DNAH14: variants seen among roughly 807,000 people sequenced by gnomAD.
DNAH14 encodes the protein dynein axonemal heavy chain 14, also known as axonemal beta dynein heavy chain 14.
In DNAH14, 478 loss-of-function variants were observed where a neutral mutation model predicts 520.9. That is an observed-to-expected ratio of 0.92 (90% confidence interval 0.85 to 0.99). The LOEUF is 0.99. Ranked by LOEUF, DNAH14 falls within the 50% of genes least tolerant of loss-of-function variation. DNAH14 has a pLI of 0.00. For missense variants in DNAH14, 4,831 were observed against 5,234.5 expected (o/e 0.92, Z 2.38); for synonymous variants, 1,581 against 1,757.2 (o/e 0.90, Z 2.51).
chr1:225,156,739 G>A (rs1460170506), intron 34 of DNAH14, among the ~76,000 whole-genome samples: 1 of 79,686 alleles, frequency 1.3e-5, no homozygotes, highest in African/African-American at 5.6e-5. Context: ...TTTTGAGACG[G>A]AGTCTCGCTC....
At chr1:225,227,191 G>A (rs1261328869) in intron 41 of DNAH14, among the ~76,000 whole-genome samples, 2 of 152,116 alleles carry the variant, frequency 1.3e-5, no homozygotes, top group African/African-American at 4.8e-5. Flanking sequence ...GCTGGGGGAT[G>A]ATCAGGTCTT....
chr1:224,934,470 A>G (rs927752886), intron 1 of DNAH14, among the ~76,000 whole-genome samples: 1 of 151,920 alleles, frequency 6.6e-6, no homozygotes, highest in East Asian at 1.9e-4. Flanking sequence ...AGTGTTTTGA[A>G]ATAATTCAGT....
chr1:225,327,377 G>A (rs1390493311), intron 64 of DNAH14, among the ~76,000 whole-genome samples: 1 of 151,938 alleles, frequency 6.6e-6, no homozygotes, highest in East Asian at 1.9e-4. Context: ...TAGCCAGGAT[G>A]GTCTCGATTT....
At chr1:225,316,018 G>A (rs571913795) in intron 60 of DNAH14, among the ~76,000 whole-genome samples, 9 of 152,324 alleles carry the variant, frequency 5.9e-5, no homozygotes, top group African/African-American at 1.9e-4. Context: ...CCCCTGACGG[G>A]GCTGCTGCCT....
At chr1:225,272,822 G>GA in intron 51 of DNAH14, 133 bp from the exon 52 acceptor site, 7 of 906,532 alleles carry the variant, frequency 7.7e-6, no homozygotes, top group Non-Finnish European at 1.1e-5. Context: ...ATCACTTGTA[G>GA]AAATTCACAA....
chr1:225,202,246 A>C (rs187479585), intron 38 of DNAH14, among the ~76,000 whole-genome samples: 210 of 152,292 alleles, frequency 1.4e-3, no homozygotes, highest in African/African-American at 4.6e-3. Context: ...GGCAGGCCCT[A>C]GAACTCCCAA....
At chr1:224,977,742 A>C (rs1214833187) in intron 8 of DNAH14, among the ~76,000 whole-genome samples, 1 of 152,242 alleles carries the variant, frequency 6.6e-6, no homozygotes. Flanking sequence ...GACAGCCTGC[A>C]GAATGGGAGA....
intron 27 of DNAH14, among the ~76,000 whole-genome samples, chr1:225,140,129 CTGAATG>C (rs1376170363): frequency 2.6e-5 from 4 of 152,158 alleles, no homozygotes; most frequent in Non-Finnish European, 5.9e-5. Flanking sequence ...TAATATATCC[CTGAATG>C]AATTCACTGT....
intron 10 of DNAH14, among the ~76,000 whole-genome samples, chr1:225,015,494 C>T (rs1506069): frequency 0.68 from 103,148 of 152,080 alleles, 40,944 homozygotes; most frequent in Non-Finnish European, 0.88. Flanking sequence ...CATGTTTGCA[C>T]GATGGTGGTT....
intron 50 of DNAH14, 42 bp downstream of exon 50, chr1:225,270,908 C>T (rs1574427036): frequency 6.6e-7 from 1 of 1,515,438 alleles, no homozygotes; most frequent in Non-Finnish European, 8.9e-7. Flanking sequence ...AAATTAATTC[C>T]CTAGAATAAG....
chr1:225,326,795 A>G (rs1178160196), intron 64 of DNAH14, among the ~76,000 whole-genome samples: 1 of 152,172 alleles, frequency 6.6e-6, no homozygotes, highest in African/African-American at 2.4e-5. Flanking sequence ...AAATTTAAAA[A>G]CCTGAAGGAT....
chr1:224,938,872 C>T (rs879711817), intron 1 of DNAH14, among the ~76,000 whole-genome samples: 7 of 152,078 alleles, frequency 4.6e-5, no homozygotes, highest in African/African-American at 9.7e-5. Flanking sequence ...AGAACCCTGT[C>T]GTTTACGGCA....
intron 2 of DNAH14, among the ~76,000 whole-genome samples, chr1:224,953,446 A>T (rs1223549445): frequency 6.6e-6 from 1 of 152,204 alleles, no homozygotes; most frequent in Non-Finnish European, 1.5e-5. Context: ...ATAAAGTTTA[A>T]TTGAGAATTC....
chr1:225,083,646 G>A (rs1373327297), intron 20 of DNAH14, among the ~76,000 whole-genome samples: 6 of 151,878 alleles, frequency 4.0e-5, no homozygotes, highest in South Asian at 2.1e-4. Flanking sequence ...TCTTCCAATT[G>A]TTTACACTAA....
chr1:225,023,623 A>C lies in DNAH14; in HGVS notation c.1116A>C (p.Glu372Asp). Residue 372 changes from glutamate (E) to aspartate (D), a missense_variant, in exon 11 of 86, where the codon GAA becomes GAC. Glu to Asp is a conservative substitution (Grantham distance 45). Transcript: ENST00000682510. Reference protein sequence around the residue: ...EMKSTFLKVAEKNEIKEYFES... With the variant: ...EMKSTFLKVADKNEIKEYFES... ...TGTTTTTTAAATTGTAGGTTGCAGA[A>C]AAGAATGAAATCAAAGAGTATTTTG... The C allele has an allele frequency of 2.6e-6, 4 of 1,517,164 alleles. No homozygotes were observed. The highest frequency in any genetic ancestry group is 2.7e-6 in the Non-Finnish European group (3 of 1,127,092). 94.0% of individuals were successfully genotyped at this position (1,517,164 alleles called of 1,614,324 possible).
At chr1:225,283,547 A>G (rs1017082991) in intron 54 of DNAH14, among the ~76,000 whole-genome samples, 2 of 152,316 alleles carry the variant, frequency 1.3e-5, no homozygotes, top group East Asian at 3.9e-4. Flanking sequence ...CAAAACCGAC[A>G]GAATTTAAGG....
intron 60 of DNAH14, among the ~76,000 whole-genome samples, chr1:225,316,204 A>G (rs2094465094): frequency 1.3e-5 from 2 of 152,090 alleles, no homozygotes; most frequent in African/African-American, 4.8e-5. Flanking sequence ...CCCTCCCCCG[A>G]CCAAGCTCAG....
intron 19 of DNAH14, among the ~76,000 whole-genome samples, chr1:225,081,897 G>T (rs890710851): frequency 6.6e-6 from 1 of 152,048 alleles, no homozygotes; most frequent in Non-Finnish European, 1.5e-5. Flanking sequence ...CTACATTTTG[G>T]TGTTAAAGTA....
chr1:225,260,645 G>C (rs999314360), intron 46 of DNAH14, among the ~76,000 whole-genome samples: 11 of 152,012 alleles, frequency 7.2e-5, no homozygotes, highest in Non-Finnish European at 1.5e-5. Context: ...TGGCTATTCG[G>C]GATCTTTTGT....
Sources: gnomAD v4.1 joint callset for allele counts (sites outside exome capture counted in the v4.1 genomes callset) on GRCh38, gnomAD v4.1.1 for gene constraint, MANE v1.5 for transcripts, NCBI Gene and HGNC (gene_info 2026-07-23, HGNC 2026-07-21) for gene names.